The following MSH4 variants were observed in gnomAD, a reference collection of about 807,000 sequenced individuals.
The protein encoded by MSH4 is mutS protein homolog 4.
In MSH4, 106 loss-of-function variants were observed where a neutral mutation model predicts 113.7. The ratio of observed to expected loss-of-function variants is 0.93; its 90% CI spans 0.80 to 1.10. MSH4 has a LOEUF of 1.10. Among genes scored for constraint, MSH4 ranks in the 50% least tolerant of loss-of-function variants. The pLI is 0.00. For synonymous variants in MSH4, 368 were observed against 380.2 expected, an observed-to-expected ratio of 0.97 and a Z score of 0.37; for missense variants, 1,061 against 1,093.7, an observed-to-expected ratio of 0.97 and a Z score of 0.42.
intron 7 of MSH4, among the ~76,000 whole-genome samples, chr1:75,824,279 G>C (rs995652944): frequency 1.3e-5 from 2 of 152,136 alleles, no homozygotes; most frequent in Non-Finnish European, 2.9e-5. Context: ...GTCTTCTTTT[G>C]AGAAGTGTCT....
Position 75,881,259 on chromosome 1 carries a change from C to G in MSH4, c.1795C>G (p.Leu599Val). Residue 599 changes from leucine (L) to valine (V), a missense_variant, in exon 14 of 20, where the codon CTG (leucine) becomes GTG (valine). By Grantham distance (32) the Leu-to-Val change is conservative (BLOSUM62 1). Transcript: ENST00000263187. ...YHMTYMIVCK[L>V]LSEIYEHIHC... is the part of the protein sequence containing the mutation. ...ACGTGTTTTCAGGATAGTGTGCAAA[C>G]TGCTTAGTGAGATTTATGAACATAT... 1 of 1,604,328 alleles carries G rather than the reference C, an allele frequency of 6.2e-7. No homozygotes were observed. Among genetic ancestry groups the G allele is most frequent in the Non-Finnish European group, 8.5e-7 (1 of 1,173,312 alleles).
chr1:75,814,718 C>T (rs1307826181), intron 4 of MSH4, among the ~76,000 whole-genome samples: 1 of 151,896 alleles, frequency 6.6e-6, no homozygotes, highest in Non-Finnish European at 1.5e-5. Flanking sequence ...CAAAAGATTA[C>T]TAAAAGGCAA....
chr1:75,803,687 T>C (rs5745323), intron 1 of MSH4, 44 bp from the exon 2 acceptor site: 708,684 of 1,369,008 alleles, frequency 0.52, 190,400 homozygotes, highest in Middle Eastern at 0.57. Flanking sequence ...CATCATTGCA[T>C]AATTCAAATC....
intron 15 of MSH4, among the ~76,000 whole-genome samples, chr1:75,884,943 G>A (rs1191859928): frequency 6.7e-6 from 1 of 149,776 alleles, no homozygotes; most frequent in Admixed American, 6.7e-5. Flanking sequence ...TAGCTATGAG[G>A]AGCTAATATA....
At chr1:75,868,773 C>T (rs2347963) in intron 9 of MSH4, among the ~76,000 whole-genome samples, 146,723 of 152,324 alleles carry the variant, frequency 0.96, 70,906 homozygotes, top group East Asian at 1. Flanking sequence ...TCTTGCCTAC[C>T]GGCATGTAAG....
At chr1:75,837,670 G>A (rs1368603551) in intron 7 of MSH4, among the ~76,000 whole-genome samples, 1 of 152,266 alleles carries the variant, frequency 6.6e-6, no homozygotes, top group East Asian at 1.9e-4. Flanking sequence ...TTACAGGCGT[G>A]AACCACTGTG....
At chr1:75,888,006 G>T (rs535964174) in intron 15 of MSH4, among the ~76,000 whole-genome samples, 1 of 149,644 alleles carries the variant, frequency 6.7e-6, no homozygotes, top group African/African-American at 2.5e-5. Flanking sequence ...TAATTTATTG[G>T]GTTATTTTGA....
At chr1:75,863,784 C>T (rs1399107971) in intron 8 of MSH4, among the ~76,000 whole-genome samples, 1 of 152,072 alleles carries the variant, frequency 6.6e-6, no homozygotes, top group Non-Finnish European at 1.5e-5. Flanking sequence ...CTTCTTTTGC[C>T]TTCTGTAAGA....
intron 7 of MSH4, among the ~76,000 whole-genome samples, chr1:75,824,639 A>G (rs141865551): frequency 0.04 from 6,086 of 152,060 alleles, 161 homozygotes; most frequent in Non-Finnish European, 0.063. Context: ...ATCTTGAGTT[A>G]ATTTTTGTAT....
chr1:75,883,920 C>T, intron 15 of MSH4, 99 bp downstream of exon 15: 1 of 877,246 alleles, frequency 1.1e-6, no homozygotes, highest in Non-Finnish European at 1.8e-6. Context: ...AACCCAAGAA[C>T]AGTTTGGAGC....
chr1:75,811,889 G>T (rs1391053667), intron 4 of MSH4, among the ~76,000 whole-genome samples: 2 of 152,052 alleles, frequency 1.3e-5, no homozygotes, highest in Non-Finnish European at 2.9e-5. Flanking sequence ...ATTTGTCATG[G>T]TGCTCTTGGA....
chr1:75,867,548 T>C lies in MSH4; in HGVS notation c.1265T>C (p.Ile422Thr), dbSNP rs1467941626. The change falls in exon 9 of 20, where the codon ATA (isoleucine) becomes ACA (threonine). Residue 422 changes from isoleucine (I) to threonine (T), a missense_variant. Coordinates refer to ENST00000263187, the MANE Select transcript of MSH4 (RefSeq NM_002440.4). ...GCTGAATCAAAGATAACAAATTTAA[T>C]ATACTTAAAACATACCTTGGAACTT... ...NAAESKITNL[I>T]YLKHTLELVD... 10 of 1,600,038 alleles carry C rather than the reference T, an allele frequency of 6.2e-6. No individual in the cohort carries two copies. Among genetic ancestry groups the C allele is most frequent in the Non-Finnish European group, 8.5e-6 (10 of 1,172,428 alleles).
chr1:75,898,431 G>T (rs1423778406), intron 18 of MSH4, among the ~76,000 whole-genome samples: 1 of 151,688 alleles, frequency 6.6e-6, no homozygotes, highest in African/African-American at 2.4e-5. Flanking sequence ...CAGTAGCAGG[G>T]TCCTTCCTCT....
intron 15 of MSH4, among the ~76,000 whole-genome samples, chr1:75,884,755 T>C (rs1329683079): frequency 6.6e-6 from 1 of 151,830 alleles, no homozygotes; most frequent in African/African-American, 2.4e-5. Flanking sequence ...ATAATATTGG[T>C]GATACAGTAT....
At chr1:75,843,343 G>A (rs957267246) in intron 7 of MSH4, among the ~76,000 whole-genome samples, 10 of 152,196 alleles carry the variant, frequency 6.6e-5, no homozygotes, top group African/African-American at 9.6e-5. Flanking sequence ...CTCTCTCGTT[G>A]CTGCACACGG....
intron 6 of MSH4, 37 bp from the exon 7 acceptor site, chr1:75,822,372 C>A (rs1288696519): frequency 1.5e-6 from 2 of 1,302,546 alleles, no homozygotes; most frequent in South Asian, 3.0e-5. Context: ...TTGCGTTTTT[C>A]TTTGTATTCT....
Position 75,896,346 on chromosome 1 carries a change from A to AACACACAC in MSH4, c.2356-1520_2356-1513dup, listed in dbSNP as rs4035039. Among the ~76,000 whole-genome samples, 712 of 137,260 alleles carry AACACACAC rather than the reference A, an allele frequency of 5.2e-3. 8 individuals are homozygous for AACACACAC. Among genetic ancestry groups the AACACACAC allele is most frequent in the African/African-American group, 0.018 (684 of 37,936 alleles). The allele number at this position is 137,260 out of a possible 152,430, so 90.0% of individuals were successfully genotyped here. On this transcript the variant is annotated intron_variant, in intron 17 of 19. Transcript: ENST00000263187. ...ATAATAAATCTCTTTACACACATAC[A>AACACACAC]ACACACACACACACACACACACACA...
intron 19 of MSH4, among the ~76,000 whole-genome samples, chr1:75,907,985 T>G (rs1307575045): frequency 6.7e-6 from 1 of 149,560 alleles, no homozygotes; most frequent in Admixed American, 6.7e-5. Flanking sequence ...GCTGGTATTA[T>G]AGGCATGAGC....
intron 19 of MSH4, among the ~76,000 whole-genome samples, chr1:75,900,454 A>G (rs914620364): frequency 4.7e-5 from 7 of 149,546 alleles, no homozygotes; most frequent in Admixed American, 6.7e-5. Flanking sequence ...AGCGCCCACC[A>G]CCACACCCGG....
Sources: gnomAD v4.1 joint callset for allele counts (sites outside exome capture counted in the v4.1 genomes callset) on GRCh38, gnomAD v4.1.1 for gene constraint, MANE v1.5 for transcripts, NCBI Gene and HGNC (gene_info 2026-07-23, HGNC 2026-07-21) for gene names.